The following HIPK3 variants were observed in gnomAD, a reference collection of about 807,000 sequenced individuals.
HIPK3 encodes the protein homeodomain-interacting protein kinase 3.
HIPK3 carries 47 observed loss-of-function variants against 124.2 expected under a neutral mutation model. The observed-to-expected ratio is 0.38, with a 90% confidence interval of 0.30 to 0.48. The LOEUF (loss-of-function observed/expected upper bound fraction) is 0.48, where lower values mean the gene tolerates loss of function less well. Among genes scored for constraint, HIPK3 ranks in the 20% least tolerant of loss-of-function variants. The pLI is 0.98. For synonymous variants in HIPK3, 482 were observed against 515.2 expected (o/e 0.94, Z 0.87); for missense variants, 1,286 against 1,454.3 (o/e 0.88, Z 1.88).
intron 2 of HIPK3, among the ~76,000 whole-genome samples, chr11:33,292,463 G>A (rs899107589): frequency 1.3e-5 from 2 of 152,090 alleles, no homozygotes; most frequent in Non-Finnish European, 2.9e-5. Context: ...GGAGGGCTCC[G>A]AGCCTGATCT....
At chr11:33,352,413 T>G in intron 16 of HIPK3, 148 bp downstream of exon 16, 3 of 792,938 alleles carry the variant, frequency 3.8e-6, no homozygotes, top group Non-Finnish European at 6.0e-6. Flanking sequence ...GTAACTGGCT[T>G]AATAATAGGA....
chr11:33,312,622 A>C (rs952054718), intron 2 of HIPK3, among the ~76,000 whole-genome samples: 2 of 152,206 alleles, frequency 1.3e-5, no homozygotes, highest in Non-Finnish European at 2.9e-5. Context: ...TTCTTAACAG[A>C]GTTGATAAGA....
At chr11:33,325,632 C>T (rs932460912) in intron 2 of HIPK3, among the ~76,000 whole-genome samples, 5 of 152,150 alleles carry the variant, frequency 3.3e-5, no homozygotes, top group South Asian at 4.1e-4. Context: ...AAAACCAGAC[C>T]GTACTCTGAT....
chr11:33,301,619 TAA>T (rs76292557), intron 2 of HIPK3, among the ~76,000 whole-genome samples: 12 of 91,092 alleles, frequency 1.3e-4, no homozygotes, highest in African/African-American at 8.2e-5. Flanking sequence ...CCCATCTCTA[TAA>T]AAAAAAAAAA....
chr11:33,267,743 G>A (rs534738620), intron 1 of HIPK3, among the ~76,000 whole-genome samples: 42 of 147,870 alleles, frequency 2.8e-4, no homozygotes, highest in African/African-American at 8.2e-4. Context: ...TGATCCGCCC[G>A]CCTCGGCCTC....
chr11:33,309,267 T>C (rs1384800205), intron 2 of HIPK3, among the ~76,000 whole-genome samples: 2 of 152,170 alleles, frequency 1.3e-5, no homozygotes, highest in Non-Finnish European at 2.9e-5. Context: ...TAGAACTTGC[T>C]CCCTTCTTCC....
chr11:33,297,458 C>CT (rs1305443259), intron 2 of HIPK3, among the ~76,000 whole-genome samples: 1 of 152,168 alleles, frequency 6.6e-6, no homozygotes, highest in Non-Finnish European at 1.5e-5. Flanking sequence ...AAGCCAAACT[C>CT]TAAGCCAGAG....
intron 3 of HIPK3, among the ~76,000 whole-genome samples, chr11:33,336,779 C>CT (rs199996073): frequency 0.01 from 1,558 of 152,332 alleles, 8 homozygotes; most frequent in Non-Finnish European, 0.015. Flanking sequence ...TCTCCCCACT[C>CT]TTTCAGTGCA....
chr11:33,262,057 A>G (rs1469287666), intron 1 of HIPK3, among the ~76,000 whole-genome samples: 3 of 152,164 alleles, frequency 2.0e-5, no homozygotes, highest in Non-Finnish European at 4.4e-5. Context: ...TAAATGTCCT[A>G]ACTGGTTCTG....
chr11:33,311,286 A>C (rs1208373568), intron 2 of HIPK3, among the ~76,000 whole-genome samples: 1 of 152,174 alleles, frequency 6.6e-6, no homozygotes, highest in Non-Finnish European at 1.5e-5. Flanking sequence ...CCTGGGCTCC[A>C]GTGATCCTCG....
At chr11:33,257,186 C>T, upstream of HIPK3, 8 of 950,666 alleles carry the variant, frequency 8.4e-6, no homozygotes, top group Non-Finnish European at 1.0e-5. Context: ...GGCTGGCAGG[C>T]GGGCTCCGGG....
At chr11:33,339,236 T>G in intron 5 of HIPK3, 114 bp from the exon 6 acceptor site, 2 of 676,782 alleles carry the variant, frequency 3.0e-6, no homozygotes, top group South Asian at 4.5e-5. Context: ...AAGATAATTG[T>G]AGTTCCCTCT....
chr11:33,315,790 C>A (rs1047196988), intron 2 of HIPK3, among the ~76,000 whole-genome samples: 3 of 152,336 alleles, frequency 2.0e-5, no homozygotes, highest in South Asian at 2.1e-4. Context: ...AATATTAAAT[C>A]TTTGCTGTCT....
intron 2 of HIPK3, among the ~76,000 whole-genome samples, chr11:33,311,626 A>G (rs1214598796): frequency 6.6e-6 from 1 of 152,198 alleles, no homozygotes; most frequent in Non-Finnish European, 1.5e-5. Context: ...ACCACAGTGT[A>G]CATTTGTTAG....
intron 2 of HIPK3, among the ~76,000 whole-genome samples, chr11:33,300,485 G>A (rs1043759261): frequency 1.3e-5 from 2 of 152,144 alleles, no homozygotes; most frequent in Non-Finnish European, 2.9e-5. Flanking sequence ...TCAGATTCCT[G>A]TTAGCATTTT....
At chr11:33,322,006 A>G (rs982738537) in intron 2 of HIPK3, among the ~76,000 whole-genome samples, 7 of 151,594 alleles carry the variant, frequency 4.6e-5, no homozygotes, top group African/African-American at 1.7e-4. Flanking sequence ...TATTTTTATT[A>G]TTATTTTTTG....
At chr11:33,298,992 G>T (rs1010654364) in intron 2 of HIPK3, among the ~76,000 whole-genome samples, 2 of 151,876 alleles carry the variant, frequency 1.3e-5, no homozygotes, top group Non-Finnish European at 2.9e-5. Flanking sequence ...AATTACAGGT[G>T]CCTGCCACCA....
chr11:33,339,653 T>A, intron 6 of HIPK3, 119 bp downstream of exon 6: 1 of 715,702 alleles, frequency 1.4e-6, no homozygotes, highest in Non-Finnish European at 2.3e-6. Context: ...CAAAAGAGGC[T>A]AAGCTAACTT....
Position 33,257,843 on chromosome 11 carries a change from C to G in HIPK3, c.-49C>G, listed in dbSNP as rs1850707274. ...CCCTGCGCCCCACCCCGGACATGCT[C>G]AGGGCTGCGGCCGCCCGAAGAGGAG... On this transcript the variant is annotated 5_prime_UTR_variant, in exon 1 of 17. Transcript: ENST00000303296. 1.0e-6 allele frequency: 1 copy of G among 985,924 alleles called. No individual in the cohort carries two copies. Among genetic ancestry groups the G allele is most frequent in the Non-Finnish European group, 1.2e-6 (1 of 830,344 alleles). 61.1% of individuals were successfully genotyped at this position (985,924 alleles called of 1,614,324 possible). A position where few individuals can be genotyped will look rare whatever the true frequency, so the allele number is the denominator to read the frequency against.
Sources: allele counts gnomAD v4.1 joint callset (sites outside exome capture counted in the v4.1 genomes callset), GRCh38; gene constraint gnomAD v4.1.1; transcripts MANE v1.5; gene names NCBI Gene and HGNC (gene_info 2026-07-23, HGNC 2026-07-21).